Variants in LHX6 observed in about 807,000 individuals in gnomAD.
The protein encoded by LHX6 is LIM/homeobox protein Lhx6.
A neutral mutation model predicts 47.1 loss-of-function variants in LHX6; 15 were observed. The observed-to-expected ratio is 0.32, with a 90% CI of 0.21 to 0.49. The LOEUF (loss-of-function observed/expected upper bound fraction) is 0.49. LHX6 is among the 20% of genes least tolerant of loss of function. The pLI, the probability that LHX6 is intolerant of heterozygous loss-of-function variation, is 0.99. For missense variants in LHX6, 404 were observed against 539.6 expected, an observed-to-expected ratio of 0.75 and a Z score of 2.49; for synonymous variants, 242 against 233.5, an observed-to-expected ratio of 1.04 and a Z score of -0.33.
intron 4 of LHX6, among the ~76,000 whole-genome samples, chr9:122,219,773 A>C (rs891412009): frequency 1.3e-5 from 2 of 151,940 alleles, no homozygotes; most frequent in African/African-American, 4.8e-5. Context: ...TGGGGTTGAG[A>C]CCCCCTCCAA....
Position 122,204,626 on chromosome 9 carries a change from GGTGGTGGGC to G in LHX6, c.*125_*133del. Reference sequence around the variant, plus strand: ...AAGGCCAGGCCTCGGGAACCGACCTGGTGGTGGGCAGGATGGCGGACGGGGGTGGATGCG... The same window carrying G: ...AAGGCCAGGCCTCGGGAACCGACCTGAGGATGGCGGACGGGGGTGGATGCG... On this transcript the variant is annotated 3_prime_UTR_variant, in exon 10 of 10. Transcript: ENST00000394319. 3 of 1,096,662 alleles carry G rather than the reference GGTGGTGGGC, an allele frequency of 2.7e-6. No individual in the cohort carries two copies. Among genetic ancestry groups the G allele is most frequent in the Non-Finnish European group, 2.6e-6 (2 of 765,404 alleles). 67.9% of individuals were successfully genotyped at this position (1,096,662 alleles called of 1,614,324 possible).
intron 9 of LHX6, among the ~76,000 whole-genome samples, chr9:122,208,125 G>A (rs916283380): frequency 9.9e-5 from 15 of 152,032 alleles, no homozygotes; most frequent in Non-Finnish European, 1.9e-4. Context: ...CCACACTGCC[G>A]CAGCATAAAA....
Position 122,228,853 on chromosome 9 carries a change from G to T in LHX6, c.-113C>A. Reference sequence around the variant, plus strand: ...GCAGGAGCAGGAGGAGAGCCGAGGCGCCGGCCCCGCCGCCCCGGGCCCGGC... The same window carrying T: ...GCAGGAGCAGGAGGAGAGCCGAGGCTCCGGCCCCGCCGCCCCGGGCCCGGC... On this transcript the variant is annotated 5_prime_UTR_variant, in exon 1 of 10. Coordinates refer to ENST00000394319, the MANE Select transcript of LHX6 (RefSeq NM_014368.5). The T allele has an allele frequency of 1.6e-6, 1 of 634,734 alleles. No individual in the cohort carries two copies. The highest frequency in any genetic ancestry group is 2.1e-6 in the Non-Finnish European group (1 of 466,340). 39.3% of individuals were successfully genotyped at this position (634,734 alleles called of 1,614,324 possible). A position where few individuals can be genotyped will look rare whatever the true frequency, so the allele number is the denominator to read the frequency against.
chr9:122,209,831 C>T lies in LHX6; in HGVS notation c.1055-114G>A. The T allele has an allele frequency of 5.0e-6, 3 of 602,938 alleles. No homozygotes were observed. In the South Asian group the frequency reaches 5.8e-5, roughly 12 times the overall value. The allele number at this position is 602,938 out of a possible 1,614,324, so 37.3% of individuals were successfully genotyped here. ...AAACCAGTTTCATCTCTGCCACTTA[C>T]CTCCTGGGTAGCCCTGGGCAAGGTT... On this transcript the variant is annotated intron_variant, in intron 8 of 9. Transcript: ENST00000394319.
chr9:122,221,101 G>A, intron 4 of LHX6: 2 of 985,440 alleles, frequency 2.0e-6, no homozygotes, highest in Non-Finnish European at 2.4e-6. Flanking sequence ...CTTATTTTAG[G>A]TTCAAGACCT....
chr9:122,208,437 C>T (rs1830270336), intron 9 of LHX6, among the ~76,000 whole-genome samples: 1 of 152,184 alleles, frequency 6.6e-6, no homozygotes, highest in Admixed American at 6.5e-5. Flanking sequence ...AGGGTAGGGA[C>T]CACACTTTAC....
chr9:122,216,783 A>G (rs1489964639), intron 5 of LHX6, among the ~76,000 whole-genome samples: 5 of 152,208 alleles, frequency 3.3e-5, no homozygotes, highest in Admixed American at 1.3e-4. Context: ...CTGGCTTTAC[A>G]ACACATCAGC....
chr9:122,213,952 G>GCCCCCCC lies in LHX6; in HGVS notation c.879+21_879+22insGGGGGGG. 7 of 1,461,944 alleles carry GCCCCCCC rather than the reference G, an allele frequency of 4.8e-6. No individual in the cohort carries two copies. Among genetic ancestry groups the GCCCCCCC allele is most frequent in the Non-Finnish European group, 5.7e-6 (6 of 1,055,342 alleles). 90.6% of individuals were successfully genotyped at this position (1,461,944 alleles called of 1,614,324 possible). ...TCCGGGGCGTGCCCGCGGTCCCCAGGCCCCGCCCACCCCCGTCCCACCTGG... is the reference window on the plus strand; with the variant it reads ...TCCGGGGCGTGCCCGCGGTCCCCAGGCCCCCCCCCCCGCCCACCCCCGTCCCACCTGG... On this transcript the variant is annotated intron_variant, in intron 7 of 9. Transcript: ENST00000394319. This position sits in a 1 kb window ranked among gnomAD's most constrained non-coding sequence, Gnocchi z 5.5.
At chr9:122,205,320 G>C (rs749525723) in intron 9 of LHX6, among the ~76,000 whole-genome samples, 23 of 152,152 alleles carry the variant, frequency 1.5e-4, no homozygotes, top group Non-Finnish European at 2.8e-4. Flanking sequence ...TTACCCACAG[G>C]GCCACGGGCT....
At chr9:122,227,610 G>C in intron 1 of LHX6, 130 bp from the exon 2 acceptor site, 1 of 1,364,810 alleles carries the variant, frequency 7.3e-7, no homozygotes, top group South Asian at 1.8e-5. Flanking sequence ...TTTGTAGTGG[G>C]CATTTAAAGC....
At chr9:122,212,238 C>T (rs369316779) in intron 8 of LHX6, among the ~76,000 whole-genome samples, 1 of 152,202 alleles carries the variant, frequency 6.6e-6, no homozygotes, top group African/African-American at 2.4e-5. Context: ...CCCACTGTCA[C>T]ACAGCTAGTA....
intron 1 of LHX6, chr9:122,228,293 G>C (rs887685676): frequency 3.3e-6 from 5 of 1,534,824 alleles, no homozygotes; most frequent in South Asian, 1.2e-5. Flanking sequence ...CCAGCCCCTC[G>C]GCGCGCCGGG....
rs779624983 is a variant in LHX6 at position 122,217,312 on chromosome 9, G to A, written c.462-24C>T. ...GGCTGCAGGTCGAGAGGACAGGCAC[G>A]GGGTGTCGAGACTCAGACAGGCCAA... On this transcript the variant is annotated intron_variant, in intron 4 of 9. Transcript: ENST00000394319. This position sits in a 1 kb window ranked among gnomAD's most constrained non-coding sequence, Gnocchi z 4.9. The A allele has an allele frequency of 1.9e-6, 3 of 1,584,994 alleles. No individual in the cohort carries two copies. The highest frequency in any genetic ancestry group is 2.3e-5 in the East Asian group (1 of 44,320).
chr9:122,208,378 T>C (rs1326930019), intron 9 of LHX6, among the ~76,000 whole-genome samples: 1 of 151,902 alleles, frequency 6.6e-6, no homozygotes, highest in Non-Finnish European at 1.5e-5. Context: ...TGTCACACTG[T>C]ATTGTAACTG....
Position 122,214,214 on chromosome 9 carries a change from G to A in LHX6, c.783+69C>T, listed in dbSNP as rs894965835. ...GGTCCGGCCCGAGGGGCGGAGCCAG[G>A]AGACATTGTCGGCCCCGCCCACTTT... On this transcript the variant is annotated intron_variant, in intron 6 of 9. Coordinates refer to ENST00000394319, the MANE Select transcript of LHX6 (RefSeq NM_014368.5). This position sits in a 1 kb window ranked among gnomAD's most constrained non-coding sequence, Gnocchi z 4.6. 36 of 1,436,188 alleles carry A rather than the reference G, an allele frequency of 2.5e-5. No homozygotes were observed. Among genetic ancestry groups the A allele is most frequent in the Middle Eastern group, 2.4e-4 (1 of 4,124 alleles). The allele number at this position is 1,436,188 out of a possible 1,614,324, so 89.0% of individuals were successfully genotyped here. A position where few individuals can be genotyped will look rare whatever the true frequency, so the allele number is the denominator to read the frequency against.
At position 122,214,234 on chromosome 9, in the gene LHX6, C is replaced by T; in HGVS notation, c.783+49G>A. The stretch of plus-strand genomic sequence containing the variant: ...GCCAGGAGACATTGTCGGCCCCGCC[C>T]ACTTTCGGCCCGGCCCCCGCCCCCG... On this transcript the variant is annotated intron_variant, in intron 6 of 9. Coordinates refer to ENST00000394319, the MANE Select transcript of LHX6 (RefSeq NM_014368.5). This position sits in a 1 kb window ranked among gnomAD's most constrained non-coding sequence, Gnocchi z 4.6. 1 of 1,496,246 alleles carries T rather than the reference C, an allele frequency of 6.7e-7. No individual in the cohort carries two copies. 92.7% of individuals were successfully genotyped at this position (1,496,246 alleles called of 1,614,324 possible).
intron 8 of LHX6, among the ~76,000 whole-genome samples, chr9:122,211,100 A>T (rs1588339193): frequency 6.6e-6 from 1 of 152,300 alleles, no homozygotes; most frequent in African/African-American, 2.4e-5. Flanking sequence ...TTTGGGTCGG[A>T]TCCAAATTTC....
chr9:122,228,683 C>A lies in LHX6; in HGVS notation c.58G>T (p.Ala20Ser). ...PALPEGCRLP[A>S]EGGPATDQVM... ...TGGTCGGTGGCGGGGCCGCCCTCGG[C>A]CGGCAGCCGGCAGCCCTCGGGCAAC... The change falls in exon 1 of 10, where the codon GCC becomes TCC. Residue 20 changes from alanine (A) to serine (S), a missense_variant. Around this residue, in one of 7 missense-constraint regions of LHX6, gnomAD observed 144 missense variants for 128.7 expected, o/e 1.12. Transcript: ENST00000394319. The A allele has an allele frequency of 7.8e-7, 1 of 1,289,100 alleles. No homozygotes were observed. Among genetic ancestry groups the A allele is most frequent in the South Asian group, 2.6e-5 (1 of 37,766 alleles). The allele number at this position is 1,289,100 out of a possible 1,614,324, so 79.9% of individuals were successfully genotyped here.
At chr9:122,228,488 C>CA in intron 1 of LHX6, 169 bp downstream of exon 1, 2 of 1,291,216 alleles carry the variant, frequency 1.5e-6, no homozygotes, top group Non-Finnish European at 2.0e-6. Flanking sequence ...TTTCCGCGAC[C>CA]CCCCCCCCCC....
Sources: allele counts gnomAD v4.1 joint callset (sites outside exome capture counted in the v4.1 genomes callset), GRCh38; gene constraint gnomAD v4.1.1; regional missense constraint gnomAD v4.1.1; non-coding constraint Gnocchi (gnomAD v3.1); transcripts MANE v1.5; gene names NCBI Gene and HGNC (gene_info 2026-07-23, HGNC 2026-07-21).